PCMTD2: variants seen among roughly 807,000 people sequenced by gnomAD.
PCMTD2 encodes the protein protein-L-isoaspartate O-methyltransferase domain-containing protein 2.
In PCMTD2, 16 loss-of-function variants were observed where a neutral mutation model predicts 33.4. The observed-to-expected ratio is 0.48, with a 90% CI of 0.32 to 0.73. The LOEUF is 0.73. Ranked by LOEUF, PCMTD2 falls within the 30% of genes least tolerant of loss-of-function variation. The pLI is 0.03. For missense variants in PCMTD2, 374 were observed against 449.9 expected (o/e 0.83, Z 1.53); for synonymous variants, 161 against 160.8 (o/e 1.00, Z -0.01).
chr20:64,261,590 A>C (rs1276220041), intron 2 of PCMTD2, among the ~76,000 whole-genome samples: 1 of 130,046 alleles, frequency 7.7e-6, no homozygotes, highest in East Asian at 1.9e-4. Context: ...GTGGATATGG[A>C]ATGATAATTT....
Position 64,259,282 on chromosome 20 carries a change from G to C in PCMTD2, c.-24-660G>C, listed in dbSNP as rs903004044. Among the ~76,000 whole-genome samples, 3 of 152,080 alleles carry C rather than the reference G, an allele frequency of 2.0e-5. No individual in the cohort carries two copies. In the South Asian group the frequency reaches 6.2e-4, roughly 32 times the overall value. On this transcript the variant is annotated intron_variant, in intron 1 of 5. Transcript: ENST00000308824. Reference sequence around the variant, plus strand: ...GAACATCAAAATATCCAAATCAACAGGTCAGATGGATTGCTTGACTTGGGT... The same window carrying C: ...GAACATCAAAATATCCAAATCAACACGTCAGATGGATTGCTTGACTTGGGT...
intron 1 of PCMTD2, among the ~76,000 whole-genome samples, chr20:64,259,059 AAGT>A (rs1366599736): frequency 6.6e-6 from 1 of 152,204 alleles, no homozygotes; most frequent in East Asian, 1.9e-4. Flanking sequence ...AAGGTAAGAC[AAGT>A]AGTTGTTATT....
In PCMTD2 at chr20:64,275,531, C is replaced by T. The variant is rs918224169; in HGVS notation, c.*1931C>T. On this transcript the variant is annotated 3_prime_UTR_variant, in exon 6 of 6. Coordinates refer to ENST00000308824, the MANE Select transcript of PCMTD2 (RefSeq NM_018257.3). ...ATATGCTAGACTTTTCCTAGCATTT[C>T]GTATTTCTGTGTTGTCAGTGTGTGA... 9 of 152,018 alleles carry T rather than the reference C, an allele frequency of 5.9e-5. No individual in the cohort carries two copies. The highest frequency in any genetic ancestry group is 2.6e-4 in the Admixed American group (4 of 15,272). 9.4% of individuals were successfully genotyped at this position (152,018 alleles called of 1,614,324 possible). A position where few individuals can be genotyped will look rare whatever the true frequency, so the allele number is the denominator to read the frequency against.
At chr20:64,272,063 C>T (rs1568737918) in intron 5 of PCMTD2, 1 of 395,550 alleles carries the variant, frequency 2.5e-6, no homozygotes, top group South Asian at 1.8e-5. Flanking sequence ...GGAGCCTGTC[C>T]TGGAGAAAGG....
intron 5 of PCMTD2, among the ~76,000 whole-genome samples, chr20:64,269,852 C>CGCGTGCG (rs1555820246): frequency 7.0e-6 from 1 of 141,936 alleles, no homozygotes; most frequent in African/African-American, 2.6e-5. Context: ...TGGGTGCTGG[C>CGCGTGCG]GTGTGGGGGG....
At chr20:64,257,468 A>G (rs1047653683) in intron 1 of PCMTD2, among the ~76,000 whole-genome samples, 2 of 152,218 alleles carry the variant, frequency 1.3e-5, no homozygotes, top group East Asian at 1.9e-4. Flanking sequence ...AAATGATTCT[A>G]CACTTTTACT....
chr20:64,267,868 C>G lies in PCMTD2; in HGVS notation c.583-19C>G. ...AGTAGCCAATTCTTTTGAATATTCTCATTTTGTCTCTGGGATAGTTGACTA... is the reference window on the plus strand; with the variant it reads ...AGTAGCCAATTCTTTTGAATATTCTGATTTTGTCTCTGGGATAGTTGACTA... On this transcript the variant is annotated intron_variant, in intron 4 of 5. Coordinates refer to ENST00000308824, the MANE Select transcript of PCMTD2 (RefSeq NM_018257.3). 6.2e-7 allele frequency: 1 copy of G among 1,608,704 alleles called. No individual in the cohort carries two copies. Among genetic ancestry groups the G allele is most frequent in the Non-Finnish European group, 8.5e-7 (1 of 1,176,064 alleles).
chr20:64,260,529 A>G (rs1160217031), intron 2 of PCMTD2, among the ~76,000 whole-genome samples: 1 of 152,090 alleles, frequency 6.6e-6, no homozygotes, highest in Non-Finnish European at 1.5e-5. Context: ...CACAGCCTGT[A>G]CTGCGCACCT....
In PCMTD2 at chr20:64,273,803, C is replaced by G. The variant is rs1986010996; in HGVS notation, c.*203C>G. The G allele has an allele frequency of 2.3e-6, 1 of 437,742 alleles. No homozygotes were observed. Among genetic ancestry groups the G allele is most frequent in the Non-Finnish European group, 4.0e-6 (1 of 249,272 alleles). 27.1% of individuals were successfully genotyped at this position (437,742 alleles called of 1,614,324 possible). On this transcript the variant is annotated 3_prime_UTR_variant, in exon 6 of 6. Coordinates refer to ENST00000308824, the MANE Select transcript of PCMTD2 (RefSeq NM_018257.3). The stretch of plus-strand genomic sequence containing the variant: ...TGTATGATTTGTTTACATAGTTCCA[C>G]AAGACCTTCATTGCATAGAAGATTG...
chr20:64,256,150 G>A (rs1391983231), intron 1 of PCMTD2, among the ~76,000 whole-genome samples: 1 of 152,194 alleles, frequency 6.6e-6, no homozygotes, highest in Non-Finnish European at 1.5e-5. Flanking sequence ...GTCCAGACCT[G>A]CAGCTTGTCT....
intron 2 of PCMTD2, among the ~76,000 whole-genome samples, chr20:64,262,041 T>A (rs758785692): frequency 6.6e-6 from 1 of 152,082 alleles, no homozygotes; most frequent in Non-Finnish European, 1.5e-5. Context: ...TGGCTTGAGG[T>A]CTGGAGTTCA....
Position 64,273,855 on chromosome 20 carries a change from T to C in PCMTD2, c.*255T>C. Reference sequence around the variant, plus strand: ...TTTCCCAAAGTGGAGAGAATCTTCATAGAGAAAAAGAGAAGGCTGTTTCTT... The same window carrying C: ...TTTCCCAAAGTGGAGAGAATCTTCACAGAGAAAAAGAGAAGGCTGTTTCTT... On this transcript the variant is annotated 3_prime_UTR_variant, in exon 6 of 6. Coordinates refer to ENST00000308824, the MANE Select transcript of PCMTD2 (RefSeq NM_018257.3). 1 of 365,126 alleles carries C rather than the reference T, an allele frequency of 2.7e-6. No homozygotes were observed. Among genetic ancestry groups the C allele is most frequent in the Non-Finnish European group, 4.9e-6 (1 of 203,926 alleles). 22.6% of individuals were successfully genotyped at this position (365,126 alleles called of 1,614,324 possible).
chr20:64,270,035 TTGTG>T (rs1420249029), intron 5 of PCMTD2, among the ~76,000 whole-genome samples: 2 of 88,556 alleles, frequency 2.3e-5, no homozygotes, highest in East Asian at 3.7e-4. Flanking sequence ...CGGTATGGGG[TTGTG>T]TGAGTGCATG....
intron 1 of PCMTD2, 49 bp from the exon 2 acceptor site, chr20:64,259,893 G>T (rs1009281384): frequency 5.6e-6 from 5 of 893,726 alleles, no homozygotes; most frequent in Non-Finnish European, 9.0e-6. Context: ...CTATTGTTCT[G>T]CTCTTACCTT....
chr20:64,272,147 C>T lies in PCMTD2; in HGVS notation c.707-1074C>T, dbSNP rs557792395. 38 of 369,970 alleles carry T rather than the reference C, an allele frequency of 1.0e-4. 1 individual carries two copies. The highest frequency in any genetic ancestry group is 3.7e-4 in the Middle Eastern group (1 of 2,676). 22.9% of individuals were successfully genotyped at this position (369,970 alleles called of 1,614,324 possible). A position where few individuals can be genotyped will look rare whatever the true frequency, so the allele number is the denominator to read the frequency against. On this transcript the variant is annotated intron_variant, in intron 5 of 5. Coordinates refer to ENST00000308824, the MANE Select transcript of PCMTD2 (RefSeq NM_018257.3). Reference sequence around the variant, plus strand: ...GGAGAAGGTGCTACTTACTCACTACCAGGGGCCTGGGACACAAGCCTGTTT... The same window carrying T: ...GGAGAAGGTGCTACTTACTCACTACTAGGGGCCTGGGACACAAGCCTGTTT...
At chr20:64,259,143 TC>T (rs34566927) in intron 1 of PCMTD2, among the ~76,000 whole-genome samples, 8 of 152,210 alleles carry the variant, frequency 5.3e-5, no homozygotes, top group African/African-American at 1.9e-4. Flanking sequence ...TAGCAGCCCC[TC>T]CTACACTTAA....
intron 3 of PCMTD2, 127 bp from the exon 4 acceptor site, chr20:64,265,131 C>G (rs949968098): frequency 1.8e-6 from 1 of 546,004 alleles, no homozygotes; most frequent in Admixed American, 3.7e-5. Context: ...TTCTTTTCTT[C>G]CAGCTCCTCA....
intron 5 of PCMTD2, 131 bp from the exon 6 acceptor site, chr20:64,273,090 C>T: frequency 1.5e-6 from 1 of 683,758 alleles, no homozygotes; most frequent in Non-Finnish European, 2.5e-6. Context: ...GCTTAGCATG[C>T]TCTCATATTC....
At chr20:64,259,430 G>A (rs6122290) in intron 1 of PCMTD2, among the ~76,000 whole-genome samples, 1 of 127,578 alleles carries the variant, frequency 7.8e-6, no homozygotes, top group African/African-American at 3.0e-5. Flanking sequence ...GCTCTGTTCC[G>A]CAAGCTGGAG....
Sources: gnomAD v4.1 joint callset for allele counts (sites outside exome capture counted in the v4.1 genomes callset) on GRCh38, gnomAD v4.1.1 for gene constraint, MANE v1.5 for transcripts, NCBI Gene and HGNC (gene_info 2026-07-23, HGNC 2026-07-21) for gene names.